The following TOM1L2 variants were observed in gnomAD, a reference collection of about 807,000 sequenced individuals.
TOM1L2 encodes TOM1-like protein 2.
A neutral mutation model predicts 67.9 loss-of-function variants in TOM1L2; 31 were observed. The observed-to-expected ratio is 0.46, with a 90% confidence interval of 0.34 to 0.62. TOM1L2 has a LOEUF of 0.62. Among genes scored for constraint, TOM1L2 ranks in the 20% least tolerant of loss-of-function variants. The probability of loss-of-function intolerance (pLI) is 0.01; values close to 1 mark genes in which losing one functional copy is unlikely to be tolerated. For synonymous variants in TOM1L2, 256 were observed against 254.0 expected (o/e 1.01, Z -0.07); for missense variants, 606 against 663.5 (o/e 0.91, Z 0.95).
Position 17,844,441 on chromosome 17 carries a change from T to G in TOM1L2, c.*3194A>C, listed in dbSNP as rs1598154375. 6.6e-6 allele frequency: 1 copy of G among 151,968 alleles called. No individual in the cohort carries two copies. 9.4% of individuals were successfully genotyped at this position (151,968 alleles called of 1,614,324 possible). On this transcript the variant is annotated 3_prime_UTR_variant, in exon 15 of 15. Transcript: ENST00000379504. Reference sequence around the variant, plus strand: ...ACCACCAGGTGGCATGGTGGGGTGGTGGGGGAAGGCTAGTGAACCAAGGCA... The same window carrying G: ...ACCACCAGGTGGCATGGTGGGGTGGGGGGGGAAGGCTAGTGAACCAAGGCA...
chr17:17,868,448 CAGT>C (rs1255563114), intron 8 of TOM1L2, among the ~76,000 whole-genome samples: 7 of 152,206 alleles, frequency 4.6e-5, no homozygotes, highest in African/African-American at 1.7e-4. Flanking sequence ...ATGAATCCAG[CAGT>C]AGGTTGTGAG....
chr17:17,922,648 C>T (rs2039922559), intron 1 of TOM1L2, among the ~76,000 whole-genome samples: 3 of 152,144 alleles, frequency 2.0e-5, no homozygotes, highest in Non-Finnish European at 4.4e-5. Context: ...ATCCATAAAA[C>T]GGGCAAAACA....
chr17:17,927,847 T>C (rs1225733194), intron 1 of TOM1L2, among the ~76,000 whole-genome samples: 1 of 152,108 alleles, frequency 6.6e-6, no homozygotes, highest in African/African-American at 2.4e-5. Flanking sequence ...GTATTCGTGG[T>C]ACAGCCAGGG....
intron 12 of TOM1L2, among the ~76,000 whole-genome samples, chr17:17,854,935 G>C (rs1216257056): frequency 3.3e-5 from 5 of 152,178 alleles, no homozygotes; most frequent in African/African-American, 1.2e-4. Context: ...GGGACAGAAA[G>C]GAAGAAGACA....
intron 3 of TOM1L2, among the ~76,000 whole-genome samples, chr17:17,897,043 A>G (rs1371785608): frequency 3.3e-5 from 5 of 152,250 alleles, no homozygotes; most frequent in African/African-American, 1.2e-4. Context: ...AAGGTCAAAC[A>G]GTGTCCATCA....
chr17:17,927,139 G>T (rs1264173315), intron 1 of TOM1L2, among the ~76,000 whole-genome samples: 1 of 152,086 alleles, frequency 6.6e-6, no homozygotes, highest in African/African-American at 2.4e-5. Context: ...TTTTACTGTA[G>T]AAAAATAAAC....
At position 17,862,762 on chromosome 17, in the gene TOM1L2, T is replaced by C; in HGVS notation, c.1171A>G (p.Arg391Gly). Residue 391 changes from arginine to glycine, a missense_variant, in exon 11 of 15, where the codon AGA becomes GGA. Physicochemically the swap from Arg to Gly is moderately radical, Grantham distance 125. Around this residue, in one of 2 missense-constraint regions of TOM1L2, gnomAD observed 543 missense variants for 554.0 expected, o/e 0.98. Transcript: ENST00000379504. ...RDGFDMFAQT[R>G]GNSLAEQRKT... ...CGCTGCTCAGCCAAGGAGTTTCCTC[T>C]CGTCTGGGCAAACATGTCAAAGCCG... is the stretch of plus-strand genomic sequence containing the variant. The C allele has an allele frequency of 6.2e-7, 1 of 1,613,876 alleles. No individual in the cohort carries two copies. The highest frequency in any genetic ancestry group is 8.5e-7 in the Non-Finnish European group (1 of 1,180,022).
intron 1 of TOM1L2, among the ~76,000 whole-genome samples, chr17:17,923,168 C>A (rs1249845770): frequency 6.6e-6 from 1 of 152,146 alleles, no homozygotes; most frequent in East Asian, 1.9e-4. Context: ...AAGGCCAAGG[C>A]AGGCGGATCG....
chr17:17,938,996 T>A lies in TOM1L2; in HGVS notation c.53-31465A>T, dbSNP rs1033426645. ...ACCTGGACTAGAATTCCATTCTGTCTGACCTCTGAACCCAAGTGTTTCACC... is the reference window on the plus strand; with the variant it reads ...ACCTGGACTAGAATTCCATTCTGTCAGACCTCTGAACCCAAGTGTTTCACC... On this transcript the variant is annotated intron_variant, in intron 1 of 14. Transcript: ENST00000379504. Among the ~76,000 whole-genome samples the A allele has an allele frequency of 5.9e-5, 9 of 152,350 alleles. No homozygotes were observed. In the South Asian group the frequency reaches 1.9e-3, roughly 32 times the overall value.
At chr17:17,949,991 C>A (rs944737056) in intron 1 of TOM1L2, among the ~76,000 whole-genome samples, 1 of 152,192 alleles carries the variant, frequency 6.6e-6, no homozygotes, top group East Asian at 1.9e-4. Flanking sequence ...CCGCCTCAGC[C>A]TCCCGAGTAG....
intron 7 of TOM1L2, among the ~76,000 whole-genome samples, chr17:17,870,865 G>A (rs910288755): frequency 2.0e-5 from 3 of 152,206 alleles, no homozygotes; most frequent in African/African-American, 7.2e-5. Context: ...TCACCAAGGT[G>A]GTCAATCAGC....
At position 17,866,798 on chromosome 17, in the gene TOM1L2, G is replaced by A. The variant is rs757683577; in HGVS notation, c.960+78C>T. 2.2e-6 allele frequency: 3 copies of A among 1,353,964 alleles called. No individual in the cohort carries two copies. The South Asian group carries it at 3.5e-5, about 16-fold the overall frequency. The allele number at this position is 1,353,964 out of a possible 1,614,324, so 83.9% of individuals were successfully genotyped here. A position where few individuals can be genotyped will look rare whatever the true frequency, so the allele number is the denominator to read the frequency against. ...TATTTCAAAACCAGTTAGAAAAACTGGAGGTCTCTCCAGCCTCCAAAACGT... is the reference window on the plus strand; with the variant it reads ...TATTTCAAAACCAGTTAGAAAAACTAGAGGTCTCTCCAGCCTCCAAAACGT... On this transcript the variant is annotated intron_variant, in intron 9 of 14. Coordinates refer to ENST00000379504, the MANE Select transcript of TOM1L2 (RefSeq NM_001082968.2).
rs2035510212 is a variant in TOM1L2 at position 17,843,902 on chromosome 17, C to T, written c.*3733G>A. 6.6e-6 allele frequency: 1 copy of T among 152,416 alleles called. No individual in the cohort carries two copies. The highest frequency in any genetic ancestry group is 6.5e-5 in the Admixed American group (1 of 15,286). 9.4% of individuals were successfully genotyped at this position (152,416 alleles called of 1,614,324 possible). A position where few individuals can be genotyped will look rare whatever the true frequency, so the allele number is the denominator to read the frequency against. On this transcript the variant is annotated 3_prime_UTR_variant, in exon 15 of 15. Coordinates refer to ENST00000379504, the MANE Select transcript of TOM1L2 (RefSeq NM_001082968.2). ...TATGGCTGGTGGCCGCAGGGGAAGC[C>T]TGACTTGGACCCCACAGATAGGAAG...
chr17:17,893,086 G>A (rs995450608), intron 4 of TOM1L2, among the ~76,000 whole-genome samples: 4 of 152,226 alleles, frequency 2.6e-5, no homozygotes, highest in African/African-American at 9.7e-5. Flanking sequence ...GAGGTAATTT[G>A]TAACACAGTG....
intron 1 of TOM1L2, among the ~76,000 whole-genome samples, chr17:17,912,778 C>T (rs1048366511): frequency 2.6e-5 from 4 of 151,724 alleles, no homozygotes; most frequent in Admixed American, 6.6e-5. Flanking sequence ...ACTTCCCAGA[C>T]GGGGTGGCGG....
chr17:17,913,974 T>C (rs1456884904), intron 1 of TOM1L2, among the ~76,000 whole-genome samples: 1 of 152,200 alleles, frequency 6.6e-6, no homozygotes, highest in Non-Finnish European at 1.5e-5. Context: ...GAGAGACTAC[T>C]ACCCCCTAGC....
intron 1 of TOM1L2, among the ~76,000 whole-genome samples, chr17:17,971,952 C>T (rs752674777): frequency 6.6e-6 from 1 of 151,512 alleles, no homozygotes; most frequent in East Asian, 1.9e-4. Context: ...AAGGCCCAGC[C>T]CCCCCGGGAG....
chr17:17,921,430 TTTGA>T (rs1320765381), intron 1 of TOM1L2, among the ~76,000 whole-genome samples: 1 of 152,196 alleles, frequency 6.6e-6, no homozygotes, highest in African/African-American at 2.4e-5. Context: ...GCCACTGGTA[TTTGA>T]TGTATGCCGT....
At chr17:17,927,146 A>G (rs2040123604) in intron 1 of TOM1L2, among the ~76,000 whole-genome samples, 1 of 152,260 alleles carries the variant, frequency 6.6e-6, no homozygotes, top group Non-Finnish European at 1.5e-5. Flanking sequence ...GTAGAAAAAT[A>G]AACACAGTAT....
Sources: allele counts gnomAD v4.1 joint callset (sites outside exome capture counted in the v4.1 genomes callset), GRCh38; gene constraint gnomAD v4.1.1; regional missense constraint gnomAD v4.1.1; transcripts MANE v1.5; gene names NCBI Gene and HGNC (gene_info 2026-07-23, HGNC 2026-07-21).